Variants in FTCDNL1 observed in about 807,000 individuals in gnomAD.
FTCDNL1 encodes the protein formiminotransferase N-terminal subdomain-containing protein.
In FTCDNL1, 11 loss-of-function variants were observed where a neutral mutation model predicts 5.9. The observed-to-expected ratio is 1.87, with a 90% confidence interval of 1.18 to 3.10. The LOEUF is 3.10. Among genes scored for constraint, FTCDNL1 ranks in the 30% most tolerant of loss-of-function variants. FTCDNL1 has a pLI of 0.00. For missense variants in FTCDNL1, 115 were observed against 65.5 expected (o/e 1.76, Z -2.61); for synonymous variants, 58 against 24.8 (o/e 2.34, Z -3.99).
chr2:199,739,708 C>T, the FTCDNL1 span, among the ~76,000 whole-genome samples: 1 of 152,230 alleles, frequency 6.6e-6, no homozygotes, highest in East Asian at 1.9e-4. Context: ...TTCAGTTACT[C>T]TGTGACCATC....
At chr2:199,745,859 A>AC in the FTCDNL1 span, among the ~76,000 whole-genome samples, 152,229 of 152,268 alleles carry the variant, frequency 1, 76,095 homozygotes, top group Middle Eastern at 1. Flanking sequence ...CACTGAGTTT[A>AC]CCCGTAATTA....
At chr2:199,699,168 T>A in the FTCDNL1 span, among the ~76,000 whole-genome samples, 1 of 152,052 alleles carries the variant, frequency 6.6e-6, no homozygotes, top group Non-Finnish European at 1.5e-5. Context: ...GATTCACAGA[T>A]GTATAAAGAA....
At chr2:199,836,739 TG>T in intron 3 of FTCDNL1, among the ~76,000 whole-genome samples, 1 of 152,184 alleles carries the variant, frequency 6.6e-6, no homozygotes, top group African/African-American at 2.4e-5. Flanking sequence ...GCACTCAGCC[TG>T]GGTGACAAAG....
intron 3 of FTCDNL1, among the ~76,000 whole-genome samples, chr2:199,845,409 A>G (rs2076704424): frequency 6.6e-6 from 1 of 152,036 alleles, no homozygotes; most frequent in African/African-American, 2.4e-5. Flanking sequence ...TCTACTGAAA[A>G]CAATATAAAA....
the FTCDNL1 span, among the ~76,000 whole-genome samples, chr2:199,752,100 C>T: frequency 6.6e-6 from 1 of 152,112 alleles, no homozygotes; most frequent in Non-Finnish European, 1.5e-5. Flanking sequence ...GCTTCTCTCT[C>T]TCCTTCTTAT....
intron 3 of FTCDNL1, among the ~76,000 whole-genome samples, chr2:199,801,524 T>C (rs918074824): frequency 3.9e-5 from 6 of 152,056 alleles, no homozygotes; most frequent in African/African-American, 1.4e-4. Flanking sequence ...TGTGTGGTGG[T>C]ACTTGCCTGT....
chr2:199,767,052 C>A (rs1208667936), intron 3 of FTCDNL1, among the ~76,000 whole-genome samples: 1 of 151,906 alleles, frequency 6.6e-6, no homozygotes, highest in African/African-American at 2.4e-5. Flanking sequence ...TAAAAAGACC[C>A]CAATATAAAA....
At chr2:199,774,716 T>A (rs1698976715) in intron 3 of FTCDNL1, among the ~76,000 whole-genome samples, 1 of 152,178 alleles carries the variant, frequency 6.6e-6, no homozygotes, top group African/African-American at 2.4e-5. Flanking sequence ...TTCAACCTTC[T>A]ATGGAGCTTT....
chr2:199,834,286 C>T (rs1335817221), intron 3 of FTCDNL1, among the ~76,000 whole-genome samples: 4 of 152,118 alleles, frequency 2.6e-5, no homozygotes, highest in Admixed American at 6.5e-5. Flanking sequence ...ACCCTGATCG[C>T]GGACTTCTAG....
the FTCDNL1 span, among the ~76,000 whole-genome samples, chr2:199,674,385 A>G: frequency 1.2e-4 from 18 of 152,306 alleles, 1 homozygote; most frequent in African/African-American, 4.3e-4. Flanking sequence ...AATCACAGGT[A>G]GCACAAGGTG....
chr2:199,825,012 C>T (rs1188853433), intron 3 of FTCDNL1, among the ~76,000 whole-genome samples: 2 of 151,802 alleles, frequency 1.3e-5, no homozygotes, highest in East Asian at 1.9e-4. Context: ...GTGGCATACA[C>T]TTGTGGTGCC....
At chr2:199,758,536 T>G (rs1698148900), downstream of FTCDNL1, among the ~76,000 whole-genome samples, 1 of 151,934 alleles carries the variant, frequency 6.6e-6, no homozygotes. Context: ...ATAGCCACTT[T>G]GGAGGATAAT....
At chr2:199,765,453 A>G (rs1698467789) in intron 3 of FTCDNL1, among the ~76,000 whole-genome samples, 1 of 149,834 alleles carries the variant, frequency 6.7e-6, no homozygotes. Context: ...ATGGACCTTT[A>G]CTTCAGCCTT....
the FTCDNL1 span, among the ~76,000 whole-genome samples, chr2:199,731,107 A>G: frequency 6.6e-6 from 1 of 152,148 alleles, no homozygotes; most frequent in Non-Finnish European, 1.5e-5. Flanking sequence ...AAAACCAAAC[A>G]CTGCATGTTC....
chr2:199,675,062 A>C, the FTCDNL1 span, among the ~76,000 whole-genome samples: 1 of 152,176 alleles, frequency 6.6e-6, no homozygotes, highest in African/African-American at 2.4e-5. Context: ...TTCCAGACCA[A>C]ATTTGGAACA....
chr2:199,668,185 A>G, the FTCDNL1 span, among the ~76,000 whole-genome samples: 5 of 152,322 alleles, frequency 3.3e-5, no homozygotes, highest in Admixed American at 3.3e-4. Flanking sequence ...GGAAACAAAT[A>G]TATATTATAT....
chr2:199,779,167 C>T (rs951969622), intron 3 of FTCDNL1, among the ~76,000 whole-genome samples: 1 of 152,210 alleles, frequency 6.6e-6, no homozygotes, highest in African/African-American at 2.4e-5. Context: ...AAACTATACA[C>T]AGACAATATT....
At chr2:199,792,495 T>A (rs570681664) in intron 3 of FTCDNL1, among the ~76,000 whole-genome samples, 4 of 152,304 alleles carry the variant, frequency 2.6e-5, no homozygotes, top group African/African-American at 9.6e-5. Context: ...TATATTCTTC[T>A]CCCTGCTTGG....
the FTCDNL1 span, among the ~76,000 whole-genome samples, chr2:199,723,510 G>T: frequency 6.6e-6 from 1 of 152,018 alleles, no homozygotes; most frequent in Non-Finnish European, 1.5e-5. Flanking sequence ...GTATGATATT[G>T]GCTGTGGGTT....
Sources: allele counts gnomAD v4.1 joint callset (sites outside exome capture counted in the v4.1 genomes callset), GRCh38; gene constraint gnomAD v4.1.1; transcripts MANE v1.5; gene names NCBI Gene and HGNC (gene_info 2026-07-23, HGNC 2026-07-21).